EFL1: variants seen among roughly 807,000 people sequenced by gnomAD.
EFL1 encodes the protein elongation factor-like GTPase 1.
EFL1 carries 76 observed loss-of-function variants against 126.7 expected under a neutral mutation model. The observed-to-expected ratio is 0.60, with a 90% confidence interval of 0.50 to 0.73. The LOEUF is 0.73. Ranked by LOEUF, EFL1 falls within the 30% of genes least tolerant of loss-of-function variation. The pLI, the probability that EFL1 is intolerant of heterozygous loss-of-function variation, is 0.00. For missense variants in EFL1, 1,128 were observed against 1,343.2 expected (o/e 0.84, Z 2.50); for synonymous variants, 410 against 448.4 (o/e 0.91, Z 1.08).
At chr15:82,170,210 G>A (rs1480630124) in intron 15 of EFL1, among the ~76,000 whole-genome samples, 1 of 148,232 alleles carries the variant, frequency 6.7e-6, no homozygotes, top group Admixed American at 6.8e-5. Flanking sequence ...CGCCTCCCGG[G>A]TTCATGCCAT....
chr15:82,144,766 G>C (rs971699757), intron 18 of EFL1, among the ~76,000 whole-genome samples: 4 of 152,072 alleles, frequency 2.6e-5, no homozygotes, highest in Admixed American at 1.3e-4. Context: ...AGGCCAAGGA[G>C]GGAGGATCAT....
intron 2 of EFL1, among the ~76,000 whole-genome samples, chr15:82,259,645 G>C (rs751229136): frequency 6.6e-6 from 1 of 152,086 alleles, no homozygotes; most frequent in South Asian, 2.1e-4. Context: ...AAGAATCTTC[G>C]AATATATTTA....
intron 15 of EFL1, among the ~76,000 whole-genome samples, chr15:82,171,357 G>T (rs899741209): frequency 1.3e-5 from 2 of 152,072 alleles, no homozygotes; most frequent in Non-Finnish European, 1.5e-5. Context: ...TAGTGACAGC[G>T]GTCTGTTAGA....
intron 4 of EFL1, among the ~76,000 whole-genome samples, chr15:82,250,738 A>G (rs1476919380): frequency 1.3e-5 from 2 of 152,142 alleles, no homozygotes; most frequent in South Asian, 2.1e-4. Flanking sequence ...TACGGTCTCT[A>G]GAGCTATCTT....
chr15:82,173,117 G>A (rs999720114), intron 15 of EFL1, among the ~76,000 whole-genome samples: 4 of 151,876 alleles, frequency 2.6e-5, no homozygotes, highest in South Asian at 2.1e-4. Context: ...GCAAAAAATC[G>A]AAAGCACCCT....
intron 15 of EFL1, among the ~76,000 whole-genome samples, chr15:82,203,794 G>C (rs993172249): frequency 1.3e-5 from 2 of 152,330 alleles, no homozygotes; most frequent in South Asian, 4.1e-4. Flanking sequence ...CTTCACGAAT[G>C]TATAATATTC....
intron 3 of EFL1, among the ~76,000 whole-genome samples, chr15:82,253,628 G>C (rs1256741685): frequency 6.6e-6 from 1 of 152,124 alleles, no homozygotes; most frequent in African/African-American, 2.4e-5. Flanking sequence ...AGCAGAGACT[G>C]AAACAGAAGT....
Position 82,227,438 on chromosome 15 carries a change from A to T in EFL1, c.1192+12T>A. 1 of 1,614,112 alleles carries T rather than the reference A, an allele frequency of 6.2e-7. No individual in the cohort carries two copies. The highest frequency in any genetic ancestry group is 8.5e-7 in the Non-Finnish European group (1 of 1,179,960). ...TGACATGGTATATTCCAACAGGTCC[A>T]TCTTTCCTCACCTGCTTTCAGTGCT... is the stretch of plus-strand genomic sequence containing the variant. On this transcript the variant is annotated intron_variant, in intron 11 of 19. Transcript: ENST00000268206.
rs201025717 is a variant in EFL1, at chr15:82,252,699, T to C, written c.236A>G (p.Tyr79Cys). 5.9e-5 allele frequency: 95 copies of C among 1,611,964 alleles called. No individual in the cohort carries two copies. Among genetic ancestry groups the C allele is most frequent in the Non-Finnish European group, 7.7e-5 (91 of 1,178,226 alleles). ...AACACAGACTGATTTACCTGTTGCA[T>C]AATGTAGGGAAATGGCACTGGATTT... The part of the protein sequence containing the change: ...TMKSSAISLH[Y>C]ATGNEEYLIN... The change falls in exon 4 of 20, where the codon TAT becomes TGT. Residue 79 changes from tyrosine to cysteine, a missense_variant. Coordinates refer to ENST00000268206, the MANE Select transcript of EFL1 (RefSeq NM_024580.6).
chr15:82,211,098 G>GA (rs34614743), intron 15 of EFL1, among the ~76,000 whole-genome samples: 46 of 143,416 alleles, frequency 3.2e-4, no homozygotes, highest in Admixed American at 3.5e-4. Context: ...CTGTTTCAAA[G>GA]AAAAAAAAAA....
rs192134207 is a variant in EFL1 at position 82,203,536 on chromosome 15, G to A, written c.1750+11181C>T. Among the ~76,000 whole-genome samples the A allele has an allele frequency of 1.5e-3, 221 of 152,084 alleles. 1 individual carries two copies. Among genetic ancestry groups the A allele is most frequent in the African/African-American group, 5.0e-3 (209 of 41,504 alleles). On this transcript the variant is annotated intron_variant, in intron 15 of 19. Coordinates refer to ENST00000268206, the MANE Select transcript of EFL1 (RefSeq NM_024580.6). ...ATTATAGGTGCCCACCACCACGCCCGGCAAATTTTTGTATTTTTAGTAGAG... is the reference window on the plus strand; with the variant it reads ...ATTATAGGTGCCCACCACCACGCCCAGCAAATTTTTGTATTTTTAGTAGAG...
intron 18 of EFL1, among the ~76,000 whole-genome samples, chr15:82,140,088 T>C (rs1451864908): frequency 6.6e-6 from 1 of 152,204 alleles, no homozygotes; most frequent in Non-Finnish European, 1.5e-5. Flanking sequence ...GCCTTCACCA[T>C]GTTTAGGTTT....
At chr15:82,184,723 AAAG>A (rs2074285984) in intron 15 of EFL1, among the ~76,000 whole-genome samples, 1 of 152,242 alleles carries the variant, frequency 6.6e-6, no homozygotes, top group Non-Finnish European at 1.5e-5. Context: ...CACATTTGGA[AAAG>A]AAGTGGAAGC....
Position 82,262,641 on chromosome 15 carries a change from T to C in EFL1, c.-47A>G. 1 of 470,750 alleles carries C rather than the reference T, an allele frequency of 2.1e-6. No homozygotes were observed. Among genetic ancestry groups the C allele is most frequent in the Non-Finnish European group, 3.8e-6 (1 of 266,164 alleles). The allele number at this position is 470,750 out of a possible 1,614,324, so 29.2% of individuals were successfully genotyped here. On this transcript the variant is annotated 5_prime_UTR_variant, in exon 1 of 20. Coordinates refer to ENST00000268206, the MANE Select transcript of EFL1 (RefSeq NM_024580.6). ...GCTGCAGCAGCCCCACCAGCCCCGC[T>C]CCTTCTCTCGGGTCGCACCCACACC...
intron 15 of EFL1, among the ~76,000 whole-genome samples, chr15:82,180,368 A>C (rs1189955335): frequency 1.9e-5 from 2 of 105,918 alleles, no homozygotes; most frequent in Non-Finnish European, 3.6e-5. Flanking sequence ...GCAAAAAAAA[A>C]AAAACAAAAA....
chr15:82,217,950 C>G (rs1358525603), intron 14 of EFL1, among the ~76,000 whole-genome samples: 2 of 152,170 alleles, frequency 1.3e-5, no homozygotes, highest in Non-Finnish European at 2.9e-5. Flanking sequence ...CCTCTAGGAG[C>G]TGAGGGCAGC....
chr15:82,137,688 T>C (rs946566065), intron 19 of EFL1, among the ~76,000 whole-genome samples: 7 of 152,260 alleles, frequency 4.6e-5, no homozygotes, highest in African/African-American at 1.7e-4. Flanking sequence ...TGTGAAGTTA[T>C]TTCAATTCCC....
At chr15:82,241,512 A>C (rs1303236107) in intron 4 of EFL1, 109 bp from the exon 5 acceptor site, 4 of 1,363,912 alleles carry the variant, frequency 2.9e-6, no homozygotes, top group Non-Finnish European at 2.9e-6. Flanking sequence ...AAACTGAACA[A>C]AGCTAAAGGA....
intron 18 of EFL1, among the ~76,000 whole-genome samples, chr15:82,144,731 A>G (rs2073824586): frequency 6.6e-6 from 1 of 152,232 alleles, no homozygotes; most frequent in Non-Finnish European, 1.5e-5. Flanking sequence ...CGGGTGGCTC[A>G]TGCCTGTAAT....
Sources: allele counts gnomAD v4.1 joint callset (sites outside exome capture counted in the v4.1 genomes callset), GRCh38; gene constraint gnomAD v4.1.1; transcripts MANE v1.5; gene names NCBI Gene and HGNC (gene_info 2026-07-23, HGNC 2026-07-21).